Variants in KCNH8 observed in about 807,000 individuals in gnomAD.
KCNH8 encodes the protein voltage-gated delayed rectifier potassium channel KCNH8.
A neutral mutation model predicts 103.6 loss-of-function variants in KCNH8; 70 were observed. The ratio of observed to expected loss-of-function variants is 0.68; its 90% CI spans 0.56 to 0.82. KCNH8 has a LOEUF of 0.82. Among genes scored for constraint, KCNH8 ranks in the 40% least tolerant of loss-of-function variants. The pLI is 0.00. For missense variants in KCNH8, 1,217 were observed against 1,329.9 expected (o/e 0.92, Z 1.32); for synonymous variants, 498 against 489.4 (o/e 1.02, Z -0.23).
intron 1 of KCNH8, among the ~76,000 whole-genome samples, chr3:19,151,519 GTAT>G (rs1392603206): frequency 6.6e-6 from 1 of 152,016 alleles, no homozygotes; most frequent in Non-Finnish European, 1.5e-5. Context: ...CCAACATGCA[GTAT>G]TATTATTAGC....
At chr3:19,530,217 G>C (rs2069136544) in intron 15 of KCNH8, among the ~76,000 whole-genome samples, 1 of 152,150 alleles carries the variant, frequency 6.6e-6, no homozygotes, top group Admixed American at 6.5e-5. Context: ...TAGATTAAAG[G>C]AGTAAGTGCC....
chr3:19,464,183 T>C (rs1338374350), intron 11 of KCNH8, among the ~76,000 whole-genome samples: 1 of 151,984 alleles, frequency 6.6e-6, no homozygotes, highest in Non-Finnish European at 1.5e-5. Context: ...ACCAAAGAGG[T>C]ATGAATGCAA....
intron 1 of KCNH8, among the ~76,000 whole-genome samples, chr3:19,159,513 A>G (rs368578115): frequency 2.0e-5 from 3 of 152,150 alleles, no homozygotes; most frequent in Middle Eastern, 3.4e-3. Context: ...CCGATTTTTC[A>G]TATTGTAATA....
chr3:19,427,603 A>T (rs1344607631), intron 7 of KCNH8, among the ~76,000 whole-genome samples: 2 of 152,220 alleles, frequency 1.3e-5, no homozygotes, highest in East Asian at 1.9e-4. Context: ...GTAACCAAAG[A>T]GTTCTATTCC....
At chr3:19,361,766 A>G (rs1340596194) in intron 5 of KCNH8, among the ~76,000 whole-genome samples, 1 of 152,168 alleles carries the variant, frequency 6.6e-6, no homozygotes, top group Non-Finnish European at 1.5e-5. Flanking sequence ...TTTTGCTTAA[A>G]ATGCTTTATT....
intron 5 of KCNH8, among the ~76,000 whole-genome samples, chr3:19,372,394 C>A (rs1289854846): frequency 6.6e-6 from 1 of 150,482 alleles, no homozygotes; most frequent in Non-Finnish European, 1.5e-5. Context: ...GGAGTTCACT[C>A]ATGATTTGGC....
At chr3:19,427,022 G>A (rs1575053963) in intron 7 of KCNH8, among the ~76,000 whole-genome samples, 2 of 152,210 alleles carry the variant, frequency 1.3e-5, no homozygotes, top group East Asian at 3.9e-4. Context: ...ACAGGGCAAA[G>A]CACCAAAGGG....
chr3:19,463,049 C>A (rs1035375415), intron 11 of KCNH8, among the ~76,000 whole-genome samples: 3 of 152,094 alleles, frequency 2.0e-5, no homozygotes, highest in African/African-American at 4.8e-5. Context: ...CTAAACAATA[C>A]AGTATAACAA....
intron 2 of KCNH8, among the ~76,000 whole-genome samples, chr3:19,269,633 T>G (rs912619257): frequency 2.7e-5 from 4 of 150,892 alleles, no homozygotes; most frequent in Non-Finnish European, 5.9e-5. Flanking sequence ...TGACTCTGTG[T>G]AGACTCAGAC....
chr3:19,308,078 T>A (rs187195575), intron 3 of KCNH8, among the ~76,000 whole-genome samples: 1 of 151,946 alleles, frequency 6.6e-6, no homozygotes, highest in Non-Finnish European at 1.5e-5. Flanking sequence ...AAATGATAAA[T>A]GTGTAAGATG....
intron 1 of KCNH8, among the ~76,000 whole-genome samples, chr3:19,162,514 A>G (rs898131190): frequency 1.3e-5 from 2 of 151,968 alleles, no homozygotes; most frequent in Non-Finnish European, 2.9e-5. Context: ...CTCAAACAAA[A>G]AGAAAAAGAA....
chr3:19,480,561 A>G (rs868706151), intron 11 of KCNH8, among the ~76,000 whole-genome samples: 1 of 152,226 alleles, frequency 6.6e-6, no homozygotes, highest in African/African-American at 2.4e-5. Flanking sequence ...AAAGTCAGGT[A>G]TGAGCCTATG....
At chr3:19,424,551 G>A (rs1171517244) in intron 7 of KCNH8, among the ~76,000 whole-genome samples, 5 of 151,966 alleles carry the variant, frequency 3.3e-5, no homozygotes, top group African/African-American at 1.2e-4. Flanking sequence ...ATTGGCTTAG[G>A]CAAAGAGTTC....
chr3:19,309,254 A>G (rs2065179328), intron 3 of KCNH8, among the ~76,000 whole-genome samples: 1 of 151,934 alleles, frequency 6.6e-6, no homozygotes, highest in Non-Finnish European at 1.5e-5. Flanking sequence ...CCTGTAGCTA[A>G]AAGAAGAGAG....
chr3:19,218,382 A>G (rs2063838002), intron 1 of KCNH8, among the ~76,000 whole-genome samples: 1 of 152,184 alleles, frequency 6.6e-6, no homozygotes, highest in Admixed American at 6.5e-5. Context: ...GAAAAACACC[A>G]TGAGCTTTCT....
chr3:19,403,198 C>A (rs1021614910), intron 7 of KCNH8, among the ~76,000 whole-genome samples: 10 of 151,082 alleles, frequency 6.6e-5, no homozygotes, highest in African/African-American at 2.2e-4. Flanking sequence ...TCCAAGTGTA[C>A]CTTGCCCCTA....
At chr3:19,352,276 T>C (rs992932664) in intron 5 of KCNH8, among the ~76,000 whole-genome samples, 1 of 152,028 alleles carries the variant, frequency 6.6e-6, no homozygotes, top group African/African-American at 2.4e-5. Flanking sequence ...TCCCACAGAA[T>C]AATAATGGGA....
intron 1 of KCNH8, among the ~76,000 whole-genome samples, chr3:19,206,528 ATAGT>A (rs1353731146): frequency 2.6e-5 from 4 of 152,034 alleles, no homozygotes; most frequent in South Asian, 2.1e-4. Flanking sequence ...TGATAATGAC[ATAGT>A]TAGTTTTTAT....
At chr3:19,250,947 A>G (rs1012095146) in intron 1 of KCNH8, among the ~76,000 whole-genome samples, 13 of 152,228 alleles carry the variant, frequency 8.5e-5, no homozygotes, top group Admixed American at 8.5e-4. Flanking sequence ...GTCAGCAGTC[A>G]ACTGAAAAAT....
Sources: gnomAD v4.1 joint callset for allele counts (sites outside exome capture counted in the v4.1 genomes callset) on GRCh38, gnomAD v4.1.1 for gene constraint, MANE v1.5 for transcripts, NCBI Gene and HGNC (gene_info 2026-07-23, HGNC 2026-07-21) for gene names.